DLGAP1: variants seen among roughly 807,000 people sequenced by gnomAD.
DLGAP1 encodes disks large-associated protein 1.
Under a neutral mutation model 90.8 loss-of-function variants are expected in DLGAP1, and 11 were observed. That is an observed-to-expected ratio of 0.12 (90% CI 0.08 to 0.20). The LOEUF (loss-of-function observed/expected upper bound fraction) is 0.20. DLGAP1 is among the 10% of genes least tolerant of loss of function. The pLI is 1.00. For missense variants in DLGAP1, 1,050 were observed against 1,333.8 expected (o/e 0.79, Z 3.31); for synonymous variants, 558 against 540.7 (o/e 1.03, Z -0.44).
intron 2 of DLGAP1, among the ~76,000 whole-genome samples, chr18:4,052,784 G>C (rs1265194000): frequency 6.6e-6 from 1 of 152,108 alleles, no homozygotes; most frequent in Non-Finnish European, 1.5e-5. Flanking sequence ...TTGCCACTTA[G>C]AAGTTTCTTT....
chr18:3,908,584 ATG>A, intron 3 of DLGAP1, among the ~76,000 whole-genome samples: 1 of 152,268 alleles, frequency 6.6e-6, no homozygotes, highest in South Asian at 2.1e-4. Flanking sequence ...ATAGGAGGCC[ATG>A]TGTGTTTTTA....
chr18:3,566,057 G>C (rs2054411314), intron 9 of DLGAP1, among the ~76,000 whole-genome samples: 1 of 152,000 alleles, frequency 6.6e-6, no homozygotes, highest in Non-Finnish European at 1.5e-5. Context: ...TTAAATAAAT[G>C]ATATTTAATA....
chr18:4,057,002 C>CAT (rs1193401275), intron 2 of DLGAP1, among the ~76,000 whole-genome samples: 1 of 93,936 alleles, frequency 1.1e-5, no homozygotes, highest in East Asian at 3.1e-4. Context: ...ACTGACCATA[C>CAT]ATACACACAC....
chr18:3,886,021 A>C (rs1487513265), intron 3 of DLGAP1, among the ~76,000 whole-genome samples: 1 of 152,132 alleles, frequency 6.6e-6, no homozygotes, highest in African/African-American at 2.4e-5. Flanking sequence ...TCCTTATTCC[A>C]TTTTGATTTT....
intron 8 of DLGAP1, among the ~76,000 whole-genome samples, chr18:3,568,829 G>C (rs532464161): frequency 6.6e-6 from 1 of 152,028 alleles, no homozygotes; most frequent in South Asian, 2.1e-4. Context: ...TGGGACTACA[G>C]GTGCCCGCCA....
intron 2 of DLGAP1, among the ~76,000 whole-genome samples, chr18:4,046,509 G>A (rs553510324): frequency 9.8e-5 from 15 of 152,308 alleles, no homozygotes; most frequent in South Asian, 2.1e-4. Flanking sequence ...GCCCAGGGGC[G>A]CACAATCTGA....
At chr18:4,431,285 C>T (rs1358634380) in intron 1 of DLGAP1, 1 of 152,158 alleles carries the variant, frequency 6.6e-6, no homozygotes, top group Non-Finnish European at 1.5e-5. Context: ...AAAGTCTCGC[C>T]ATATGGGAAA....
chr18:3,638,095 C>T (rs1207538430), intron 7 of DLGAP1, among the ~76,000 whole-genome samples: 9 of 151,516 alleles, frequency 5.9e-5, no homozygotes, highest in East Asian at 5.8e-4. Context: ...TACAGGCGCC[C>T]GCCACCCCGC....
intron 2 of DLGAP1, among the ~76,000 whole-genome samples, chr18:4,109,158 C>G (rs1039905662): frequency 8.4e-6 from 1 of 118,572 alleles, no homozygotes; most frequent in Non-Finnish European, 1.8e-5. Flanking sequence ...TGGTGCCATC[C>G]GCAACTGGCA....
chr18:4,028,900 A>C (rs973570274), intron 2 of DLGAP1, among the ~76,000 whole-genome samples: 1 of 152,156 alleles, frequency 6.6e-6, no homozygotes, highest in Non-Finnish European at 1.5e-5. Context: ...TTTTTACTTA[A>C]ATTTTTTTTC....
At chr18:3,804,920 C>T (rs190640140) in intron 5 of DLGAP1, among the ~76,000 whole-genome samples, 43 of 152,302 alleles carry the variant, frequency 2.8e-4, no homozygotes, top group African/African-American at 9.4e-4. Flanking sequence ...CACAGTGCTT[C>T]GGGAATTCTT....
intron 1 of DLGAP1, among the ~76,000 whole-genome samples, chr18:4,204,127 T>C (rs920543830): frequency 2.0e-5 from 3 of 152,252 alleles, no homozygotes; most frequent in African/African-American, 7.2e-5. Flanking sequence ...TCTTCTATAA[T>C]ATTTAACTCG....
At chr18:3,901,259 G>T (rs1599135723) in intron 3 of DLGAP1, among the ~76,000 whole-genome samples, 1 of 151,944 alleles carries the variant, frequency 6.6e-6, no homozygotes, top group Non-Finnish European at 1.5e-5. Context: ...AAATTTAACT[G>T]CTCCTCTGCC....
rs1326758122 is a variant in DLGAP1 at position 3,729,830 on chromosome 18, T to C, written c.1351-455A>G. 6.6e-6 allele frequency among the ~76,000 whole-genome samples: 1 copy of C among 152,230 alleles called. No individual in the cohort carries two copies. The highest frequency in any genetic ancestry group is 1.5e-5 in the Non-Finnish European group (1 of 68,042). On this transcript the variant is annotated intron_variant, in intron 6 of 12. Coordinates refer to ENST00000315677, the MANE Select transcript of DLGAP1 (RefSeq NM_004746.4). This position sits in a 1 kb window ranked among gnomAD's most constrained non-coding sequence, Gnocchi z 6.2. ...CTTGGAGAAGAATTTTACCAGTCCA[T>C]TGTCAGAGTTCATGTATTTTGGTAT...
At chr18:4,104,841 G>A (rs2075833612) in intron 2 of DLGAP1, among the ~76,000 whole-genome samples, 1 of 152,182 alleles carries the variant, frequency 6.6e-6, no homozygotes, top group South Asian at 2.1e-4. Context: ...TAAGGCACAA[G>A]TCTTTATAGT....
intron 6 of DLGAP1, among the ~76,000 whole-genome samples, chr18:3,741,026 C>CCATCACCACCATCACCT (rs2062913924): frequency 7.9e-6 from 1 of 127,184 alleles, no homozygotes; most frequent in African/African-American, 3.0e-5. Context: ...ATCACCACCA[C>CCATCACCACCATCACCT]CACCACCACC....
At chr18:4,333,309 T>A (rs1243867417) in intron 1 of DLGAP1, among the ~76,000 whole-genome samples, 2 of 151,928 alleles carry the variant, frequency 1.3e-5, no homozygotes, top group Admixed American at 6.6e-5. Flanking sequence ...GTGTTCAAGA[T>A]CTAGCAGGCT....
chr18:3,830,471 C>T (rs2067973103), intron 4 of DLGAP1, among the ~76,000 whole-genome samples: 1 of 152,090 alleles, frequency 6.6e-6, no homozygotes, highest in Admixed American at 6.5e-5. Flanking sequence ...AGGCTGGGGG[C>T]AGAAGAATAC....
At chr18:3,545,004 C>T (rs1354663538) in intron 9 of DLGAP1, among the ~76,000 whole-genome samples, 1 of 152,088 alleles carries the variant, frequency 6.6e-6, no homozygotes, top group African/African-American at 2.4e-5. Context: ...CACAGTGGCT[C>T]ATGCCTGTAA....
Sources: gnomAD v4.1 joint callset for allele counts (sites outside exome capture counted in the v4.1 genomes callset) on GRCh38, gnomAD v4.1.1 for gene constraint, Gnocchi (gnomAD v3.1) non-coding constraint, MANE v1.5 for transcripts, NCBI Gene and HGNC (gene_info 2026-07-23, HGNC 2026-07-21) for gene names.